The following HOMER2 variants were observed in gnomAD, a reference collection of about 807,000 sequenced individuals.
The protein encoded by HOMER2 is homer scaffold protein 2.
Under a neutral mutation model 47.0 loss-of-function variants are expected in HOMER2, and 27 were observed. The observed-to-expected ratio is 0.57, with a 90% confidence interval of 0.42 to 0.79. The LOEUF is 0.79. HOMER2 is among the 30% of genes least tolerant of loss of function. The pLI is 0.00. For missense variants in HOMER2, 443 were observed against 435.0 expected (o/e 1.02, Z -0.16); for synonymous variants, 161 against 163.8 (o/e 0.98, Z 0.13).
Position 82,881,197 on chromosome 15 carries a change from G to C in HOMER2, c.163-5793C>G, listed in dbSNP as rs911162206. ...CCCTAGTAAAAGACCCAGTCCTGCA[G>C]ATCAGTGGGACCAAGTTGTCACAAA... is the stretch of plus-strand genomic sequence containing the variant. On this transcript the variant is annotated intron_variant, in intron 2 of 8. Transcript: ENST00000450735. Among the ~76,000 whole-genome samples the C allele has an allele frequency of 3.3e-5, 5 of 152,326 alleles. No individual in the cohort carries two copies. The East Asian group carries it at 9.6e-4, about 29-fold the overall frequency.
exon 2 of HOMER2, chr15:82,843,419 G>A (rs1237456143): frequency 7.6e-6 from 1 of 131,340 alleles, no homozygotes; most frequent in South Asian, 2.4e-4. Context: ...ACTCCAGCCT[G>A]GGGGCCAGGG....
At chr15:82,860,633 T>C (rs2051742970) in intron 4 of HOMER2, among the ~76,000 whole-genome samples, 1 of 152,038 alleles carries the variant, frequency 6.6e-6, no homozygotes, top group Admixed American at 6.5e-5. Flanking sequence ...TTAATCTCAC[T>C]AGTAAAGAAG....
rs766993649 is a variant in HOMER2, at chr15:82,875,266, A to T, written c.294+7T>A. The stretch of plus-strand genomic sequence containing the variant: ...GATTTACTGCACTGTGGATAGGACC[A>T]AGTTACCTTTGTCAGCTGCTGCTCA... On this transcript the variant is annotated splice_region_variant and intron_variant, in intron 3 of 8. Transcript: ENST00000450735. 1.9e-6 allele frequency: 3 copies of T among 1,612,882 alleles called. No homozygotes were observed. The highest frequency in any genetic ancestry group is 1.3e-5 in the African/African-American group (1 of 74,860).
At chr15:82,875,733 C>A (rs1307811035) in intron 2 of HOMER2, among the ~76,000 whole-genome samples, 1 of 152,220 alleles carries the variant, frequency 6.6e-6, no homozygotes, top group Non-Finnish European at 1.5e-5. Context: ...TGCCACGCAT[C>A]AGAGTGCCCT....
At chr15:82,904,051 C>A (rs1321330384) in intron 1 of HOMER2, among the ~76,000 whole-genome samples, 1 of 152,082 alleles carries the variant, frequency 6.6e-6, no homozygotes, top group Non-Finnish European at 1.5e-5. Context: ...GTGGGAGGAT[C>A]GCTTGGGCCC....
At chr15:82,880,054 G>A (rs1290791076) in intron 2 of HOMER2, among the ~76,000 whole-genome samples, 1 of 152,010 alleles carries the variant, frequency 6.6e-6, no homozygotes, top group Non-Finnish European at 1.5e-5. Flanking sequence ...TTCATATAAA[G>A]GTCAAAAACA....
upstream of HOMER2, among the ~76,000 whole-genome samples, chr15:82,956,283 T>TCAGTCATG (rs1476704376): frequency 5.5e-5 from 8 of 145,826 alleles, no homozygotes. Context: ...CAAAGAAGCA[T>TCAGTCATG]CAGTCATGGG....
chr15:82,896,724 G>T (rs1325725308), intron 1 of HOMER2, among the ~76,000 whole-genome samples: 1 of 152,204 alleles, frequency 6.6e-6, no homozygotes, highest in Non-Finnish European at 1.5e-5. Context: ...GCAAACAGGG[G>T]AGGATTGCAC....
chr15:82,925,564 C>T (rs552919216), intron 1 of HOMER2, among the ~76,000 whole-genome samples: 1 of 152,352 alleles, frequency 6.6e-6, no homozygotes, highest in South Asian at 2.1e-4. Flanking sequence ...TCCTTGTCCA[C>T]ATTCAGCCCC....
chr15:82,935,786 C>T (rs1038275723), intron 1 of HOMER2, among the ~76,000 whole-genome samples: 1 of 152,188 alleles, frequency 6.6e-6, no homozygotes, highest in African/African-American at 2.4e-5. Context: ...AGAACCCACC[C>T]ACTTCTGTCT....
intron 1 of HOMER2, among the ~76,000 whole-genome samples, chr15:82,937,647 AG>A (rs1836742391): frequency 6.6e-6 from 1 of 152,084 alleles, no homozygotes; most frequent in African/African-American, 2.4e-5. Context: ...TTTTTCAGAA[AG>A]GGTCTGGAAG....
At chr15:82,947,224 A>G (rs1234771474) in intron 1 of HOMER2, among the ~76,000 whole-genome samples, 1 of 152,226 alleles carries the variant, frequency 6.6e-6, no homozygotes, top group Admixed American at 6.5e-5. Flanking sequence ...ATTGCAGTCA[A>G]CTCAAACCCC....
intron 1 of HOMER2, among the ~76,000 whole-genome samples, chr15:82,966,044 T>C (rs943426223): frequency 6.6e-6 from 1 of 152,124 alleles, no homozygotes; most frequent in African/African-American, 2.4e-5. Flanking sequence ...GAGGCTGTGG[T>C]GAGCCAAGAT....
intron 1 of HOMER2, among the ~76,000 whole-genome samples, chr15:82,934,701 C>T (rs1018179796): frequency 1.3e-5 from 2 of 152,166 alleles, no homozygotes; most frequent in African/African-American, 2.4e-5. Flanking sequence ...CTTCTGCCAC[C>T]TGCTTCCTCC....
At chr15:82,948,390 CAAAAAAAAAA>C (rs71156062) in intron 1 of HOMER2, among the ~76,000 whole-genome samples, 1 of 62,470 alleles carries the variant, frequency 1.6e-5, no homozygotes, top group African/African-American at 5.6e-5. Flanking sequence ...GACTCCATCT[CAAAAAAAAAA>C]AAAAAAAAAA....
At chr15:82,876,052 G>A (rs2052339540) in intron 2 of HOMER2, among the ~76,000 whole-genome samples, 1 of 152,210 alleles carries the variant, frequency 6.6e-6, no homozygotes, top group South Asian at 2.1e-4. Context: ...TACAGACCCT[G>A]GGAGGGGGAG....
intron 2 of HOMER2, among the ~76,000 whole-genome samples, chr15:82,890,578 A>G (rs888871487): frequency 2.0e-5 from 3 of 152,100 alleles, no homozygotes; most frequent in Non-Finnish European, 4.4e-5. Flanking sequence ...TAACTGTCAT[A>G]TTTGGCTTGA....
chr15:82,953,693 G>A (rs1219939020), upstream of HOMER2, among the ~76,000 whole-genome samples: 8 of 152,152 alleles, frequency 5.3e-5, no homozygotes, highest in Admixed American at 5.2e-4. Context: ...CTAACACGGT[G>A]AAACCCCGTC....
chr15:82,963,638 C>T (rs1184599661), intron 1 of HOMER2, among the ~76,000 whole-genome samples: 1 of 152,154 alleles, frequency 6.6e-6, no homozygotes, highest in Non-Finnish European at 1.5e-5. Context: ...GTTTAATAAG[C>T]ACCTGGAGTG....
Sources: allele counts gnomAD v4.1 joint callset (sites outside exome capture counted in the v4.1 genomes callset), GRCh38; gene constraint gnomAD v4.1.1; transcripts MANE v1.5; gene names NCBI Gene and HGNC (gene_info 2026-07-23, HGNC 2026-07-21).